The following ULK4 variants were observed in gnomAD, a reference collection of about 807,000 sequenced individuals.
ULK4 encodes the protein inactive serine/threonine-protein kinase ULK4.
Under a neutral mutation model 160.6 loss-of-function variants are expected in ULK4, and 133 were observed. The observed-to-expected ratio is 0.83, with a 90% confidence interval of 0.72 to 0.96. The LOEUF is 0.96. ULK4 is among the 40% of genes least tolerant of loss of function. ULK4 has a pLI of 0.00. For synonymous variants in ULK4, 534 were observed against 539.8 expected, an observed-to-expected ratio of 0.99 and a Z score of 0.15; for missense variants, 1,580 against 1,499.5, an observed-to-expected ratio of 1.05 and a Z score of -0.89.
chr3:41,458,818 C>G (rs2371584), intron 33 of ULK4, among the ~76,000 whole-genome samples: 1 of 151,088 alleles, frequency 6.6e-6, no homozygotes, highest in Non-Finnish European at 1.5e-5. Flanking sequence ...TGCAGTGGCA[C>G]GATCTCGGCT....
chr3:41,556,986 T>C (rs75598869), intron 32 of ULK4, among the ~76,000 whole-genome samples: 9,319 of 152,058 alleles, frequency 0.061, 849 homozygotes, highest in African/African-American at 0.2. Context: ...CTAAATAAAA[T>C]ATTAACAAAG....
chr3:41,601,749 C>G (rs72862105), intron 31 of ULK4, among the ~76,000 whole-genome samples: 9,361 of 152,138 alleles, frequency 0.062, 978 homozygotes, highest in African/African-American at 0.21. Flanking sequence ...CTTCATAACA[C>G]CAGTGCAACT....
intron 21 of ULK4, among the ~76,000 whole-genome samples, chr3:41,767,734 G>A (rs1418890308): frequency 1.3e-5 from 2 of 152,114 alleles, no homozygotes; most frequent in Non-Finnish European, 2.9e-5. Context: ...CTTACATACA[G>A]CTGGTAGGAA....
rs2148787240 is a variant in ULK4 at position 41,896,875 on chromosome 3, A to G, written c.1477T>C (p.Cys493Arg). The change falls in exon 15 of 37, where the codon TGC (cysteine) becomes CGC (arginine). Residue 493 changes from cysteine to arginine, a missense_variant. Cys to Arg is a radical substitution (Grantham distance 180). Transcript: ENST00000301831. ...RAKLNLLCYL[C>R]VVAGHQEVAT... ...ACCTCCTGGTGACCAGCCACCACGCACAAATAGCAAAGGAGATTCAGCTTG... is the reference window on the plus strand; with the variant it reads ...ACCTCCTGGTGACCAGCCACCACGCGCAAATAGCAAAGGAGATTCAGCTTG... 1.9e-6 allele frequency: 3 copies of G among 1,613,538 alleles called. No homozygotes were observed. Among genetic ancestry groups the G allele is most frequent in the South Asian group, 1.1e-5 (1 of 91,066 alleles).
chr3:41,499,779 A>C (rs1234650468), intron 32 of ULK4, among the ~76,000 whole-genome samples: 1 of 152,212 alleles, frequency 6.6e-6, no homozygotes, highest in Non-Finnish European at 1.5e-5. Context: ...TATGGCTAGA[A>C]ACTTCCTGCA....
intron 17 of ULK4, among the ~76,000 whole-genome samples, chr3:41,855,274 G>C (rs1457881879): frequency 6.9e-6 from 1 of 145,854 alleles, no homozygotes; most frequent in Non-Finnish European, 1.5e-5. Flanking sequence ...CTGCCCTCTG[G>C]AAACCACAAA....
chr3:41,839,022 T>C (rs2041836757), intron 17 of ULK4, among the ~76,000 whole-genome samples: 1 of 152,118 alleles, frequency 6.6e-6, no homozygotes, highest in Non-Finnish European at 1.5e-5. Flanking sequence ...GTGACCATAG[T>C]TCATAATAAC....
chr3:41,922,841 A>G (rs1699240707), intron 5 of ULK4, among the ~76,000 whole-genome samples: 1 of 152,196 alleles, frequency 6.6e-6, no homozygotes, highest in South Asian at 2.1e-4. Flanking sequence ...GATAGATGCC[A>G]TGCAGTCTTA....
At chr3:41,467,364 T>G (rs1036390015) in intron 32 of ULK4, among the ~76,000 whole-genome samples, 2 of 152,042 alleles carry the variant, frequency 1.3e-5, no homozygotes, top group Non-Finnish European at 2.9e-5. Flanking sequence ...CCATCTCTAC[T>G]AAAAGTACAA....
intron 35 of ULK4, among the ~76,000 whole-genome samples, chr3:41,275,087 C>A (rs2079207075): frequency 6.6e-6 from 1 of 152,206 alleles, no homozygotes; most frequent in Admixed American, 6.5e-5. Flanking sequence ...GAGAAAGACA[C>A]AGGCAATCTT....
intron 5 of ULK4, among the ~76,000 whole-genome samples, chr3:41,929,520 G>A (rs1420668358): frequency 6.6e-6 from 1 of 152,100 alleles, no homozygotes; most frequent in Non-Finnish European, 1.5e-5. Context: ...AGAAATAAAG[G>A]GTATTCAAAT....
chr3:41,370,263 A>G (rs1285484510), intron 35 of ULK4, among the ~76,000 whole-genome samples: 1 of 152,226 alleles, frequency 6.6e-6, no homozygotes, highest in Non-Finnish European at 1.5e-5. Context: ...TGGAGATGCA[A>G]TTAATGAAAT....
At chr3:41,671,093 C>G (rs1451295263) in intron 29 of ULK4, among the ~76,000 whole-genome samples, 1 of 151,898 alleles carries the variant, frequency 6.6e-6, no homozygotes, top group Non-Finnish European at 1.5e-5. Flanking sequence ...AAAGATTTAT[C>G]AAAGGTGAAA....
intron 35 of ULK4, among the ~76,000 whole-genome samples, chr3:41,282,739 G>T (rs2079383549): frequency 1.3e-5 from 2 of 152,116 alleles, no homozygotes; most frequent in Non-Finnish European, 2.9e-5. Context: ...CATAGGCATG[G>T]GCAAAGACTT....
intron 34 of ULK4, among the ~76,000 whole-genome samples, chr3:41,405,820 TTTTTG>T (rs1000999553): frequency 4.3e-4 from 66 of 152,284 alleles, no homozygotes; most frequent in African/African-American, 1.5e-3. Context: ...ATGAGTTTTT[TTTTTG>T]TTTGTTTTTT....
chr3:41,745,445 T>C (rs932412647), intron 22 of ULK4, among the ~76,000 whole-genome samples: 2 of 151,812 alleles, frequency 1.3e-5, no homozygotes, highest in Admixed American at 6.5e-5. Context: ...TACCAAAACT[T>C]GACCTAGTAA....
rs183418885 is a variant in ULK4, at chr3:41,620,222, C to T, written c.3072-4505G>A. Among the ~76,000 whole-genome samples, 21 of 152,256 alleles carry T rather than the reference C, an allele frequency of 1.4e-4. No homozygotes were observed. In the East Asian group the frequency reaches 3.1e-3, roughly 22 times the overall value. ...GGTACCATTCCTTCTGGAACCATTT[C>T]AAACAACAGAAAAAGGACTTCTCCC... On this transcript the variant is annotated intron_variant, in intron 30 of 36. Transcript: ENST00000301831.
chr3:41,789,804 G>C lies in ULK4; in HGVS notation c.2050C>G (p.Gln684Glu). The change falls in exon 21 of 37, where the codon CAG (glutamine) becomes GAG (glutamate). Residue 684 changes from glutamine (Q) to glutamate (E), a missense_variant. Gln to Glu is a conservative substitution (Grantham distance 29). Coordinates refer to ENST00000301831, the MANE Select transcript of ULK4 (RefSeq NM_017886.4). ...AGTCCCACCTTTTCAATAACATTCTGGAAGGCAGTAGGAGAATGGCGAGTG... is the reference window on the plus strand; with the variant it reads ...AGTCCCACCTTTTCAATAACATTCTCGAAGGCAGTAGGAGAATGGCGAGTG... ...RITRHSPTAF[Q>E]NVIEKVGLNS... The C allele has an allele frequency of 3.1e-6, 5 of 1,612,988 alleles. No homozygotes were observed. Among genetic ancestry groups the C allele is most frequent in the Non-Finnish European group, 4.2e-6 (5 of 1,179,600 alleles).
At chr3:41,819,630 A>G in intron 18 of ULK4, 124 bp from the exon 19 acceptor site, 1 of 710,228 alleles carries the variant, frequency 1.4e-6, no homozygotes, top group East Asian at 2.7e-5. Context: ...TATTTAAAGT[A>G]TTACTTACTA....
Sources: allele counts gnomAD v4.1 joint callset (sites outside exome capture counted in the v4.1 genomes callset), GRCh38; gene constraint gnomAD v4.1.1; transcripts MANE v1.5; gene names NCBI Gene and HGNC (gene_info 2026-07-23, HGNC 2026-07-21).